Variants in WDFY4 observed in about 807,000 individuals in gnomAD.
WDFY4 encodes the protein WDFY family member 4.
A neutral mutation model predicts 351.9 loss-of-function variants in WDFY4; 169 were observed. The observed-to-expected ratio is 0.48, with a 90% CI of 0.42 to 0.55. The LOEUF (loss-of-function observed/expected upper bound fraction) is 0.55. WDFY4 is among the 20% of genes least tolerant of loss of function. The pLI is 0.00. For synonymous variants in WDFY4, 1,622 were observed against 1,574.6 expected, an observed-to-expected ratio of 1.03 and a Z score of -0.71; for missense variants, 3,803 against 3,935.6, an observed-to-expected ratio of 0.97 and a Z score of 0.90.
chr10:48,810,044 A>G (rs1201791328), intron 28 of WDFY4, among the ~76,000 whole-genome samples: 1 of 141,554 alleles, frequency 7.1e-6, no homozygotes, highest in African/African-American at 2.5e-5. Context: ...GACGTTAATC[A>G]TGTTTCTTTT....
intron 2 of WDFY4, among the ~76,000 whole-genome samples, chr10:48,711,896 G>A (rs901336051): frequency 3.7e-4 from 57 of 152,068 alleles, no homozygotes; most frequent in African/African-American, 1.2e-3. Flanking sequence ...TAATACTGAC[G>A]GTTGTATGGG....
chr10:48,890,654 C>T lies in WDFY4; in HGVS notation c.7243C>T (p.His2415Tyr), dbSNP rs1476916657. ...AGGGGTCCTGCTTTTTGGCCACCAA[C>T]ACTTCTACATCTGCGAGAACTTCAC... Reference protein sequence around the residue: ...SEGVLLFGHQHFYICENFTLS... With the variant: ...SEGVLLFGHQYFYICENFTLS... The change falls in exon 44 of 62, where the codon CAC becomes TAC. Residue 2415 changes from histidine (H) to tyrosine (Y), a missense_variant. His to Tyr is a moderately conservative substitution (Grantham distance 83, BLOSUM62 2). This residue lies in a region of WDFY4 where 3,054 missense variants were observed against 3,148.6 expected (regional missense o/e 0.97). Transcript: ENST00000325239. The T allele has an allele frequency of 6.4e-7, 1 of 1,551,714 alleles. No homozygotes were observed. Among genetic ancestry groups the T allele is most frequent in the Admixed American group, 2.0e-5 (1 of 51,006 alleles).
intron 2 of WDFY4, among the ~76,000 whole-genome samples, chr10:48,711,542 C>T (rs1463025435): frequency 6.6e-6 from 1 of 152,166 alleles, no homozygotes; most frequent in Admixed American, 6.5e-5. Context: ...TTCCCACCTG[C>T]ATGGGCAGCC....
intron 1 of WDFY4, among the ~76,000 whole-genome samples, chr10:48,691,236 C>G (rs561795983): frequency 6.6e-6 from 1 of 151,910 alleles, no homozygotes; most frequent in East Asian, 1.9e-4. Context: ...TGGGAAGTGG[C>G]AGGCTCGGTG....
At chr10:48,784,360 T>C (rs1313153180) in intron 19 of WDFY4, among the ~76,000 whole-genome samples, 1 of 152,180 alleles carries the variant, frequency 6.6e-6, no homozygotes, top group Non-Finnish European at 1.5e-5. Flanking sequence ...TATTTTTATA[T>C]TAGCCATTTT....
intron 21 of WDFY4, among the ~76,000 whole-genome samples, chr10:48,789,474 CT>C (rs1270118979): frequency 2.0e-5 from 3 of 152,226 alleles, no homozygotes; most frequent in African/African-American, 7.2e-5. Context: ...CTTCTTGCCC[CT>C]TTGACATCTG....
chr10:48,889,581 G>A (rs556090887), intron 43 of WDFY4, among the ~76,000 whole-genome samples: 2 of 152,004 alleles, frequency 1.3e-5, no homozygotes, highest in Admixed American at 6.6e-5. Flanking sequence ...TGCTGGCCTC[G>A]GCCTTATTCT....
intron 39 of WDFY4, among the ~76,000 whole-genome samples, chr10:48,849,465 C>A (rs1262241396): frequency 1.3e-5 from 2 of 152,106 alleles, no homozygotes; most frequent in Non-Finnish European, 2.9e-5. Context: ...GACTTACCCC[C>A]AAAATTATTG....
intron 19 of WDFY4, among the ~76,000 whole-genome samples, chr10:48,785,297 G>C (rs1005703270): frequency 6.6e-6 from 1 of 152,156 alleles, no homozygotes; most frequent in Admixed American, 6.5e-5. Context: ...CTCCTAGTCT[G>C]TAGCATGTCT....
chr10:48,808,484 T>C (rs2067331899), intron 28 of WDFY4, among the ~76,000 whole-genome samples: 1 of 152,220 alleles, frequency 6.6e-6, no homozygotes, highest in South Asian at 2.1e-4. Context: ...CCTGCCTGCT[T>C]TACCTCCAAC....
Position 48,743,347 on chromosome 10 carries a change from G to A in WDFY4, c.2258G>A (p.Ser753Asn), listed in dbSNP as rs1391197650. The A allele has an allele frequency of 1.9e-6, 3 of 1,551,536 alleles. No homozygotes were observed. The African/African-American group carries it at 4.1e-5, about 21-fold the overall frequency. ...TTGCTGGGCACTGCCTTTTCCTCCA[G>A]CGGCTCACTCCCACCCCGGATACAG... ...ADLLGTAFSS[S>N]GSLPPRIQSC... The change falls in exon 12 of 62, where the codon AGC becomes AAC. Residue 753 changes from serine to asparagine, a missense_variant. Around this residue, in one of 3 missense-constraint regions of WDFY4, gnomAD observed 3,054 missense variants for 3,148.6 expected, o/e 0.97. Coordinates refer to ENST00000325239, the MANE Select transcript of WDFY4 (RefSeq NM_001394531.1).
chr10:48,809,352 C>T (rs558034373), intron 28 of WDFY4, among the ~76,000 whole-genome samples: 299 of 147,762 alleles, frequency 2.0e-3, no homozygotes, highest in African/African-American at 6.9e-3. Context: ...ACCATCATCA[C>T]CACATTAATC....
chr10:48,967,597 T>C (rs1425218774), intron 55 of WDFY4: 1 of 151,750 alleles, frequency 6.6e-6, no homozygotes, highest in Admixed American at 6.6e-5. Flanking sequence ...AGAGGCTCTA[T>C]AGAAGCAGGA....
At chr10:48,691,475 G>A (rs1220301239) in intron 1 of WDFY4, among the ~76,000 whole-genome samples, 3 of 152,262 alleles carry the variant, frequency 2.0e-5, no homozygotes, top group Non-Finnish European at 2.9e-5. Context: ...CCTGCTGGCC[G>A]GCTGGCAACC....
chr10:48,720,264 C>T, intron 3 of WDFY4, 139 bp downstream of exon 3: 1 of 841,762 alleles, frequency 1.2e-6, no homozygotes, highest in Non-Finnish European at 1.8e-6. Flanking sequence ...CCCCACTCTG[C>T]CACTGAGTGC....
At chr10:48,925,859 A>G (rs1839526587) in intron 47 of WDFY4, among the ~76,000 whole-genome samples, 1 of 152,198 alleles carries the variant, frequency 6.6e-6, no homozygotes, top group African/African-American at 2.4e-5. Context: ...AATTGCCTCA[A>G]ACATGCTGCT....
intron 54 of WDFY4, among the ~76,000 whole-genome samples, chr10:48,965,774 A>ATCAGTTAGATATAGATTATATCTG (rs1842047316): frequency 5.6e-4 from 79 of 141,426 alleles, no homozygotes; most frequent in African/African-American, 2.0e-3. Flanking sequence ...ACTTATATCT[A>ATCAGTTAGATATAGATTATATCTG]TATCAGTTAG....
At chr10:48,701,166 G>A (rs7905684) in intron 1 of WDFY4, among the ~76,000 whole-genome samples, 148,019 of 152,318 alleles carry the variant, frequency 0.97, 72,057 homozygotes, top group East Asian at 1. Context: ...CCTCATATCA[G>A]TGGATCACAC....
intron 40 of WDFY4, among the ~76,000 whole-genome samples, chr10:48,867,940 G>C (rs541363013): frequency 7.2e-5 from 11 of 152,322 alleles, no homozygotes; most frequent in African/African-American, 2.6e-4. Flanking sequence ...TGATACTCCT[G>C]TGTCTTGAAG....
Sources: gnomAD v4.1 joint callset for allele counts (sites outside exome capture counted in the v4.1 genomes callset) on GRCh38, gnomAD v4.1.1 for gene constraint, gnomAD v4.1.1 regional missense constraint, MANE v1.5 for transcripts, NCBI Gene and HGNC (gene_info 2026-07-23, HGNC 2026-07-21) for gene names.